POU2AF2: variants seen among roughly 807,000 people sequenced by gnomAD.
POU2AF2 encodes the protein POU domain class 2-associating factor 2.
the POU2AF2 span, among the ~76,000 whole-genome samples, chr11:111,265,780 A>C: frequency 6.6e-6 from 1 of 152,080 alleles, no homozygotes; most frequent in Non-Finnish European, 1.5e-5. Context: ...TGTCATCACT[A>C]CTATTAATTT....
the POU2AF2 span, among the ~76,000 whole-genome samples, chr11:111,246,403 C>T: frequency 2.0e-5 from 3 of 152,070 alleles, no homozygotes; most frequent in Non-Finnish European, 2.9e-5. Context: ...GATCTTTCCC[C>T]GGATGTTCAT....
chr11:111,255,940 A>G, the POU2AF2 span: 2 of 399,038 alleles, frequency 5.0e-6, no homozygotes, highest in East Asian at 7.1e-5. Flanking sequence ...GCTTAACCTA[A>G]TGATTCCATC....
the POU2AF2 span, chr11:111,245,874 A>G: frequency 2.5e-6 from 1 of 398,840 alleles, no homozygotes; most frequent in Non-Finnish European, 4.4e-6. Context: ...GTAAGTCAAC[A>G]TCAATTATTA....
At chr11:111,268,830 G>A in the POU2AF2 span, among the ~76,000 whole-genome samples, 48 of 152,104 alleles carry the variant, frequency 3.2e-4, no homozygotes, top group African/African-American at 1.1e-3. Context: ...TTACAGACAT[G>A]AGCCACCGCA....
At chr11:111,268,071 A>G in the POU2AF2 span, among the ~76,000 whole-genome samples, 3 of 152,248 alleles carry the variant, frequency 2.0e-5, no homozygotes, top group South Asian at 6.2e-4. Context: ...AGGTAAGAGC[A>G]AAAACTGGTA....
chr11:111,275,221 G>T, the POU2AF2 span, among the ~76,000 whole-genome samples: 1 of 152,172 alleles, frequency 6.6e-6, no homozygotes, highest in Non-Finnish European at 1.5e-5. Context: ...GGATTGAGAA[G>T]AACTCTCCCA....
chr11:111,286,270 G>A, the POU2AF2 span: 6 of 526,890 alleles, frequency 1.1e-5, no homozygotes, highest in South Asian at 5.8e-5. Flanking sequence ...CCGTATTCTA[G>A]TAAGATAACC....
the POU2AF2 span, chr11:111,255,988 G>A: frequency 2.5e-6 from 1 of 399,198 alleles, no homozygotes; most frequent in Non-Finnish European, 4.4e-6. Context: ...TTAAGTCCCA[G>A]GAGACTACAG....
chr11:111,276,651 AAG>A, the POU2AF2 span, among the ~76,000 whole-genome samples: 1 of 80,376 alleles, frequency 1.2e-5, no homozygotes, highest in Non-Finnish European at 3.0e-5. Context: ...CAAAAAAAAA[AAG>A]AAAAAAAAAG....
the POU2AF2 span, among the ~76,000 whole-genome samples, chr11:111,253,744 A>T: frequency 2.0e-5 from 3 of 152,334 alleles, no homozygotes; most frequent in African/African-American, 4.8e-5. Flanking sequence ...TAGAGGATGC[A>T]TTCCAAACTC....
At chr11:111,275,490 G>A in the POU2AF2 span, among the ~76,000 whole-genome samples, 2 of 152,250 alleles carry the variant, frequency 1.3e-5, no homozygotes, top group Admixed American at 1.3e-4. Flanking sequence ...GCTGAACCTT[G>A]GACTCCAGGA....
chr11:111,281,895 C>G, the POU2AF2 span, among the ~76,000 whole-genome samples: 3 of 152,184 alleles, frequency 2.0e-5, no homozygotes, highest in African/African-American at 4.8e-5. Flanking sequence ...GTTGGACATT[C>G]TTGTATAAAC....
At chr11:111,283,354 A>G in the POU2AF2 span, among the ~76,000 whole-genome samples, 316 of 152,160 alleles carry the variant, frequency 2.1e-3, no homozygotes, top group African/African-American at 7.4e-3. Context: ...TGCACCACCA[A>G]GGGAAACTTT....
chr11:111,273,619 T>C, the POU2AF2 span, among the ~76,000 whole-genome samples: 1 of 152,338 alleles, frequency 6.6e-6, no homozygotes, highest in East Asian at 1.9e-4. Context: ...TACAGCAGTA[T>C]GAAACATGTC....
At chr11:111,264,510 AAG>A in the POU2AF2 span, among the ~76,000 whole-genome samples, 1 of 41,578 alleles carries the variant, frequency 2.4e-5, no homozygotes, top group Non-Finnish European at 4.9e-5. Context: ...GAAAGAAAGA[AAG>A]AAAGAAAGAA....
At chr11:111,274,098 G>A in the POU2AF2 span, among the ~76,000 whole-genome samples, 422 of 152,226 alleles carry the variant, frequency 2.8e-3, 7 homozygotes, top group East Asian at 7.7e-4. Flanking sequence ...CGTAGGAAAT[G>A]ACAATTGAGT....
the POU2AF2 span, among the ~76,000 whole-genome samples, chr11:111,251,222 G>A: frequency 1.3e-5 from 2 of 152,168 alleles, no homozygotes; most frequent in Non-Finnish European, 2.9e-5. Context: ...GACTCTGGAT[G>A]TATTTTGTAG....
At chr11:111,280,181 T>A in the POU2AF2 span, among the ~76,000 whole-genome samples, 2 of 151,384 alleles carry the variant, frequency 1.3e-5, no homozygotes, top group Admixed American at 1.3e-4. Context: ...ATTCCACATA[T>A]TTTTCTTACG....
At chr11:111,278,201 C>T in the POU2AF2 span, among the ~76,000 whole-genome samples, 2 of 152,060 alleles carry the variant, frequency 1.3e-5, no homozygotes, top group Non-Finnish European at 2.9e-5. Flanking sequence ...TCTAAGTGCT[C>T]GATGTAATAA....
Sources: gnomAD v4.1 joint callset for allele counts (sites outside exome capture counted in the v4.1 genomes callset) on GRCh38, gnomAD v4.1.1 for gene constraint, MANE v1.5 for transcripts, NCBI Gene and HGNC (gene_info 2026-07-23, HGNC 2026-07-21) for gene names.